Variants in SNRNP35 observed in about 807,000 individuals in gnomAD.
The protein encoded by SNRNP35 is U11/U12 small nuclear ribonucleoprotein 35 kDa protein.
A neutral mutation model predicts 24.3 loss-of-function variants in SNRNP35; 16 were observed. The ratio of observed to expected loss-of-function variants is 0.66; its 90% CI spans 0.45 to 1.00. The LOEUF is 1.00. Among genes scored for constraint, SNRNP35 ranks in the 50% least tolerant of loss-of-function variants. The pLI is 0.00. For missense variants in SNRNP35, 292 were observed against 327.2 expected (o/e 0.89, Z 0.83); for synonymous variants, 106 against 124.8 (o/e 0.85, Z 1.00).
chr12:123,459,124 A>AT (rs1880459036), intron 1 of SNRNP35: 1 of 129,726 alleles, frequency 7.7e-6, no homozygotes, highest in Non-Finnish European at 1.6e-5. Context: ...GATTGATTGA[A>AT]ACGGGGTCTC....
chr12:123,468,168 G>C (rs1359889408), downstream of SNRNP35, among the ~76,000 whole-genome samples: 4 of 150,292 alleles, frequency 2.7e-5, no homozygotes, highest in African/African-American at 9.8e-5. Context: ...AGACCATCCT[G>C]GCCAACATGG....
chr12:123,469,224 C>T (rs575652617), downstream of SNRNP35, among the ~76,000 whole-genome samples: 2 of 150,432 alleles, frequency 1.3e-5, no homozygotes, highest in South Asian at 2.1e-4. Context: ...GTGCGATCTC[C>T]GCTCACTGCA....
downstream of SNRNP35, chr12:123,470,833 A>G (rs1881157608): frequency 6.6e-6 from 1 of 152,160 alleles, no homozygotes; most frequent in African/African-American, 2.4e-5. Context: ...GAAACTGGCA[A>G]TTTTGGTTAC....
chr12:123,472,900 T>A (rs1881299253), exon 2 of SNRNP35: 1 of 537,554 alleles, frequency 1.9e-6, no homozygotes, highest in African/African-American at 1.9e-5. Context: ...GGTCACGCGG[T>A]ATGGGCAAGG....
In SNRNP35 at chr12:123,466,229, A is replaced by G. The variant is rs759664673; in HGVS notation, c.689A>G (p.Asp230Gly). Reference protein sequence around the residue: ...WPDNDWERERDFRDDRIKGRE... With the variant: ...WPDNDWERERGFRDDRIKGRE... Reference sequence around the variant, plus strand: ...GACAATGACTGGGAGAGAGAGAGGGACTTCAGAGATGACAGGATCAAGGGG... The same window carrying G: ...GACAATGACTGGGAGAGAGAGAGGGGCTTCAGAGATGACAGGATCAAGGGG... Residue 230 changes from aspartate (D) to glycine (G), a missense_variant, in exon 2 of 2, where the codon GAC becomes GGC. Physicochemically the swap from Asp to Gly is moderately conservative, Grantham distance 94. Coordinates refer to ENST00000526639, the MANE Select transcript of SNRNP35 (RefSeq NM_022717.4). The G allele has an allele frequency of 7.1e-6, 11 of 1,546,676 alleles. No homozygotes were observed. The highest frequency in any genetic ancestry group is 1.8e-4 in the Middle Eastern group (1 of 5,708).
chr12:123,471,772 G>A (rs1188311421), downstream of SNRNP35: 1 of 152,400 alleles, frequency 6.6e-6, no homozygotes, highest in Non-Finnish European at 1.5e-5. Context: ...AATCCTAAAA[G>A]GAAAAAAAGA....
At chr12:123,460,995 A>G in intron 1 of SNRNP35, among the ~76,000 whole-genome samples, 1 of 133,898 alleles carries the variant, frequency 7.5e-6, no homozygotes, top group Non-Finnish European at 1.5e-5. Context: ...AAACAGAGAC[A>G]GGGTCTCACC....
rs1028822277 is a variant in SNRNP35 at position 123,458,170 on chromosome 12, C to T, written c.-50C>T. On this transcript the variant is annotated 5_prime_UTR_variant, in exon 1 of 2. Transcript: ENST00000526639. ...GGCGCGGAGAATCTGCTGTCGCCTG[C>T]AGCTGCTCGCCTGTCTCCGTCGGAA... 20 of 985,344 alleles carry T rather than the reference C, an allele frequency of 2.0e-5. No homozygotes were observed. Among genetic ancestry groups the T allele is most frequent in the Non-Finnish European group, 2.4e-5 (20 of 829,986 alleles). 61.0% of individuals were successfully genotyped at this position (985,344 alleles called of 1,614,324 possible).
In SNRNP35 at chr12:123,459,367, C is replaced by T. The variant is rs562436674; in HGVS notation, c.-4+1151C>T. 2.0e-5 allele frequency among the ~76,000 whole-genome samples: 3 copies of T among 151,622 alleles called. No homozygotes were observed. The South Asian group carries it at 6.3e-4, about 32-fold the overall frequency. ...ACATTTCACAATAAGAATCCTGAAGCTCAAAATTTACTGACCTCAAATAAT... is the reference window on the plus strand; with the variant it reads ...ACATTTCACAATAAGAATCCTGAAGTTCAAAATTTACTGACCTCAAATAAT... On this transcript the variant is annotated intron_variant, in intron 1 of 1. Transcript: ENST00000526639.
In SNRNP35 at chr12:123,460,545, A is replaced by T. The variant is rs117110887; in HGVS notation, c.-4+2329A>T. Among the ~76,000 whole-genome samples, 1,088 of 140,428 alleles carry T rather than the reference A, an allele frequency of 7.7e-3. 6 individuals carry two copies. Among genetic ancestry groups the T allele is most frequent in the Non-Finnish European group, 0.012 (801 of 66,066 alleles). The allele number at this position is 140,428 out of a possible 152,430, so 92.1% of individuals were successfully genotyped here. A position where few individuals can be genotyped will look rare whatever the true frequency, so the allele number is the denominator to read the frequency against. ...CTTTGGGAGGCTGAGGCAGAAGGAT[A>T]GCTCATGCCCAGGAGTTCAAGATCA... On this transcript the variant is annotated intron_variant, in intron 1 of 1. Transcript: ENST00000526639.
Position 123,465,549 on chromosome 12 carries a change from T to A in SNRNP35, c.9T>A (p.Asp3Glu). The change falls in exon 2 of 2, where the codon GAT (aspartate) becomes GAA (glutamate). Residue 3 changes from aspartate (D) to glutamate (E), a missense_variant. Physicochemically the swap from Asp to Glu is conservative, Grantham distance 45. Transcript: ENST00000526639. This position sits in a 1 kb window ranked among gnomAD's most constrained non-coding sequence, Gnocchi z 4.2. ...CTTATCATTCATAGAACATGAACGA[T>A]TGGATGCCCATCGCCAAGGAGTATG... Reference protein sequence around the residue: MNDWMPIAKEYDP... With the variant: MNEWMPIAKEYDP... 6.5e-7 allele frequency: 1 copy of A among 1,547,216 alleles called. No homozygotes were observed.
downstream of SNRNP35, among the ~76,000 whole-genome samples, chr12:123,467,269 C>T (rs1341786092): frequency 6.6e-6 from 1 of 152,208 alleles, no homozygotes; most frequent in Non-Finnish European, 1.5e-5. Context: ...CATTCTCACT[C>T]AAAATGCCGA....
intron 1 of SNRNP35, among the ~76,000 whole-genome samples, chr12:123,463,956 G>A (rs1486591957): frequency 2.2e-5 from 3 of 137,264 alleles, no homozygotes; most frequent in Non-Finnish European, 1.6e-5. Context: ...TTTTGGAGAC[G>A]GAATTTTGCT....
At chr12:123,463,181 C>A (rs1056349118) in intron 1 of SNRNP35, among the ~76,000 whole-genome samples, 2 of 151,960 alleles carry the variant, frequency 1.3e-5, no homozygotes, top group Non-Finnish European at 2.9e-5. Flanking sequence ...CTGTCTTAGC[C>A]CCCCTAGTAG....
In SNRNP35 at chr12:123,466,290, C is replaced by T. The variant is rs778346226; in HGVS notation, c.*9C>T. The stretch of plus-strand genomic sequence containing the variant: ...AGGAAAGAGGCAAGTAGAGGCCCAA[C>T]AGCAGAACCCCAAAGTGAAGTTACA... On this transcript the variant is annotated 3_prime_UTR_variant, in exon 2 of 2. Coordinates refer to ENST00000526639, the MANE Select transcript of SNRNP35 (RefSeq NM_022717.4). The T allele has an allele frequency of 4.0e-6, 6 of 1,511,518 alleles. No homozygotes were observed. The South Asian group carries it at 5.5e-5, about 14-fold the overall frequency. 93.6% of individuals were successfully genotyped at this position (1,511,518 alleles called of 1,614,324 possible). A position where few individuals can be genotyped will look rare whatever the true frequency, so the allele number is the denominator to read the frequency against.
In SNRNP35 at chr12:123,465,393, A is replaced by G. The variant is rs1880888915; in HGVS notation, c.-3-145A>G. 1.1e-6 allele frequency: 1 copy of G among 934,340 alleles called. No homozygotes were observed. Among genetic ancestry groups the G allele is most frequent in the East Asian group, 2.8e-5 (1 of 35,258 alleles). 57.9% of individuals were successfully genotyped at this position (934,340 alleles called of 1,614,324 possible). On this transcript the variant is annotated intron_variant, in intron 1 of 1. Coordinates refer to ENST00000526639, the MANE Select transcript of SNRNP35 (RefSeq NM_022717.4). The surrounding 1 kb of genome is among the most constrained non-coding windows in gnomAD (Gnocchi z 4.2). The stretch of plus-strand genomic sequence containing the variant: ...CTGTCTCCCCCACTTACTAGCAGGG[A>G]GGACTTAGCCTCTGTGGGTGTTCCC...
In SNRNP35 at chr12:123,466,051, G is replaced by C; in HGVS notation, c.511G>C (p.Val171Leu). ...PFRKPINLPVVKNDLYREGKR... is the reference protein window; with the variant it reads ...PFRKPINLPVLKNDLYREGKR... The stretch of plus-strand genomic sequence containing the variant: ...TCGAAAACCTATTAACTTGCCAGTT[G>C]TTAAAAACGACCTCTATAGAGAGGG... Residue 171 changes from valine to leucine, a missense_variant, in exon 2 of 2, where the codon GTT becomes CTT. Coordinates refer to ENST00000526639, the MANE Select transcript of SNRNP35 (RefSeq NM_022717.4). 6.2e-7 allele frequency: 1 copy of C among 1,614,132 alleles called. No individual in the cohort carries two copies.
chr12:123,461,548 C>G (rs1880633643), intron 1 of SNRNP35, among the ~76,000 whole-genome samples: 1 of 151,998 alleles, frequency 6.6e-6, no homozygotes, highest in Admixed American at 6.6e-5. Flanking sequence ...TTCTGTCACT[C>G]CATCTGTTTT....
chr12:123,460,885 C>T (rs115421187), intron 1 of SNRNP35, among the ~76,000 whole-genome samples: 4,425 of 151,334 alleles, frequency 0.029, 192 homozygotes, highest in African/African-American at 0.1. Context: ...CTCGAACTCC[C>T]GACTTCAGGC....
Sources: gnomAD v4.1 joint callset for allele counts (sites outside exome capture counted in the v4.1 genomes callset) on GRCh38, gnomAD v4.1.1 for gene constraint, Gnocchi (gnomAD v3.1) non-coding constraint, MANE v1.5 for transcripts, NCBI Gene and HGNC (gene_info 2026-07-23, HGNC 2026-07-21) for gene names.